Variants in TTC38 observed in about 807,000 individuals in gnomAD.
TTC38 encodes tetratricopeptide repeat domain 38, also known as tetratricopeptide repeat protein 38.
TTC38 carries 64 observed loss-of-function variants against 64.2 expected under a neutral mutation model. The ratio of observed to expected loss-of-function variants is 1.00; its 90% CI spans 0.81 to 1.23. The LOEUF is 1.23. Among genes scored for constraint, TTC38 ranks in the 50% most tolerant of loss-of-function variants. The pLI is 0.00. For missense variants in TTC38, 573 were observed against 615.5 expected, an observed-to-expected ratio of 0.93 and a Z score of 0.73; for synonymous variants, 254 against 249.3, an observed-to-expected ratio of 1.02 and a Z score of -0.18.
chr22:46,271,251 T>C lies in TTC38; in HGVS notation c.112-1084T>C, dbSNP rs1045414424. Among the ~76,000 whole-genome samples the C allele has an allele frequency of 6.6e-6, 1 of 152,150 alleles. No homozygotes were observed. The highest frequency in any genetic ancestry group is 1.5e-5 in the Non-Finnish European group (1 of 68,022). On this transcript the variant is annotated intron_variant, in intron 2 of 13. Transcript: ENST00000381031. This position sits in a 1 kb window ranked among gnomAD's most constrained non-coding sequence, Gnocchi z 5.5. ...TCTTTCTTTTCTTTTTTCTTTTTTT[T>C]CTTTTTTGAGACAGAGTCTCACTCT...
rs1022189673 is a variant in TTC38 at position 46,276,798 on chromosome 22, A to C, written c.539+1377A>C. On this transcript the variant is annotated intron_variant, in intron 5 of 13. Coordinates refer to ENST00000381031, the MANE Select transcript of TTC38 (RefSeq NM_017931.4). The surrounding 1 kb of genome is among the most constrained non-coding windows in gnomAD (Gnocchi z 4.7). ...AATATATATTAAAATATATATTAAA[A>C]ATTATATATTAAAATATATATATTA... is the stretch of plus-strand genomic sequence containing the variant. 1.5e-5 allele frequency among the ~76,000 whole-genome samples: 2 copies of C among 136,486 alleles called. No homozygotes were observed. Among genetic ancestry groups the C allele is most frequent in the African/African-American group, 6.1e-5 (2 of 32,530 alleles). The allele number at this position is 136,486 out of a possible 152,430, so 89.5% of individuals were successfully genotyped here.
chr22:46,274,137 T>C lies in TTC38; in HGVS notation c.365+68T>C, dbSNP rs1601868339. The C allele has an allele frequency of 7.6e-7, 1 of 1,315,732 alleles. No individual in the cohort carries two copies. Among genetic ancestry groups the C allele is most frequent in the Non-Finnish European group, 1.1e-6 (1 of 938,292 alleles). The allele number at this position is 1,315,732 out of a possible 1,614,324, so 81.5% of individuals were successfully genotyped here. A position where few individuals can be genotyped will look rare whatever the true frequency, so the allele number is the denominator to read the frequency against. On this transcript the variant is annotated intron_variant, in intron 4 of 13. Coordinates refer to ENST00000381031, the MANE Select transcript of TTC38 (RefSeq NM_017931.4). The surrounding 1 kb of genome is among the most constrained non-coding windows in gnomAD (Gnocchi z 4.8). ...AGCTGGGGGAGTGGCAGGGTATCCC[T>C]TTCCTGATGCCCTTGGGACGGGGGC...
chr22:46,281,513 T>G lies in TTC38; in HGVS notation c.616-86T>G. ...CCACCCCGTTCAGCCCAGGCCCCTCTTGCCCCTTAGAGACCTGCCGTCGCC... is the reference window on the plus strand; with the variant it reads ...CCACCCCGTTCAGCCCAGGCCCCTCGTGCCCCTTAGAGACCTGCCGTCGCC... On this transcript the variant is annotated intron_variant, in intron 6 of 13. Coordinates refer to ENST00000381031, the MANE Select transcript of TTC38 (RefSeq NM_017931.4). The surrounding 1 kb of genome is among the most constrained non-coding windows in gnomAD (Gnocchi z 5.2). 1.6e-6 allele frequency: 2 copies of G among 1,237,698 alleles called. No homozygotes were observed. Among genetic ancestry groups the G allele is most frequent in the East Asian group, 3.0e-5 (1 of 32,948 alleles). 76.7% of individuals were successfully genotyped at this position (1,237,698 alleles called of 1,614,324 possible).
chr22:46,268,708 G>C (rs931138528), intron 2 of TTC38, 117 bp downstream of exon 2: 1 of 1,031,302 alleles, frequency 9.7e-7, no homozygotes, highest in Non-Finnish European at 1.4e-6. Context: ...TTTTTGAGGC[G>C]GAGTCTCGCT....
intron 6 of TTC38, among the ~76,000 whole-genome samples, chr22:46,279,541 C>T (rs939972113): frequency 2.6e-5 from 4 of 152,264 alleles, no homozygotes; most frequent in Non-Finnish European, 5.9e-5. Context: ...CTGCCTGCTC[C>T]AGGCCCTGCC....
rs1165080413 is a variant in TTC38, at chr22:46,292,968, G to C, written c.*84G>C. 2.9e-6 allele frequency: 3 copies of C among 1,044,860 alleles called. No individual in the cohort carries two copies. The highest frequency in any genetic ancestry group is 4.4e-6 in the Non-Finnish European group (3 of 676,192). The allele number at this position is 1,044,860 out of a possible 1,614,324, so 64.7% of individuals were successfully genotyped here. ...AGCTGCTCCACCGGGTTAGGGTCAG[G>C]AGACGGCCAGAGCCTGTTTGTTAGG... is the stretch of plus-strand genomic sequence containing the variant. On this transcript the variant is annotated 3_prime_UTR_variant, in exon 14 of 14. Coordinates refer to ENST00000381031, the MANE Select transcript of TTC38 (RefSeq NM_017931.4). The surrounding 1 kb of genome is among the most constrained non-coding windows in gnomAD (Gnocchi z 6.5).
At chr22:46,285,306 T>C in intron 9 of TTC38, 27 bp downstream of exon 9, 3 of 1,613,336 alleles carry the variant, frequency 1.9e-6, no homozygotes, top group Non-Finnish European at 2.5e-6. Context: ...CCGTGTTTGG[T>C]TTGTTGCAGC....
In TTC38 at chr22:46,290,531, GGC is replaced by G. The variant is rs1443448573; in HGVS notation, c.1316+633_1316+634del. On this transcript the variant is annotated intron_variant, in intron 13 of 13. Transcript: ENST00000381031. Reference sequence around the variant, plus strand: ...CATGGCTGGAGGGTGAGTGTGTTAGGGCAGCGTGGCTGGAGGGTGTTAGGAGG... The same window carrying G: ...CATGGCTGGAGGGTGAGTGTGTTAGGAGCGTGGCTGGAGGGTGTTAGGAGG... 1.3e-3 allele frequency among the ~76,000 whole-genome samples: 196 copies of G among 148,096 alleles called. 11 individuals are homozygous for G. Among genetic ancestry groups the G allele is most frequent in the African/African-American group, 4.9e-3 (188 of 38,126 alleles).
At chr22:46,280,808 C>T (rs969986109) in intron 6 of TTC38, among the ~76,000 whole-genome samples, 4 of 152,150 alleles carry the variant, frequency 2.6e-5, no homozygotes, top group Admixed American at 6.5e-5. Context: ...GTGGGGCTGG[C>T]GGGAACTCAT....
chr22:46,274,441 A>AC lies in TTC38; in HGVS notation c.365+375dup, dbSNP rs146562700. Among the ~76,000 whole-genome samples the AC allele has an allele frequency of 5.0e-3, 757 of 152,222 alleles. 6 individuals carry two copies. Among genetic ancestry groups the AC allele is most frequent in the African/African-American group, 0.017 (716 of 41,532 alleles). The stretch of plus-strand genomic sequence containing the variant: ...AAATAAACAATCAAATCAAATCTTC[A>AC]CCCATAAGTTCCTTGCTCTTGCACT... On this transcript the variant is annotated intron_variant, in intron 4 of 13. Coordinates refer to ENST00000381031, the MANE Select transcript of TTC38 (RefSeq NM_017931.4). This position sits in a 1 kb window ranked among gnomAD's most constrained non-coding sequence, Gnocchi z 4.8.
At chr22:46,284,078 T>C in intron 8 of TTC38, 46 bp downstream of exon 8, 1 of 1,505,644 alleles carries the variant, frequency 6.6e-7, no homozygotes, top group African/African-American at 1.4e-5. Context: ...TAAAGATGTC[T>C]AGAGGGAGAA....
Position 46,275,381 on chromosome 22 carries a change from C to G in TTC38, c.499C>G (p.Arg167Gly). The change falls in exon 5 of 14, where the codon CGA becomes GGA. Residue 167 changes from arginine to glycine, a missense_variant. Coordinates refer to ENST00000381031, the MANE Select transcript of TTC38 (RefSeq NM_017931.4). This position sits in a 1 kb window ranked among gnomAD's most constrained non-coding sequence, Gnocchi z 4.5. ...GGAACAGATGAGAGATTCTGTTGCT[C>G]GAATTTACCCCTTCTGGACACCTGA... Reference protein sequence around the residue: ...YQEQMRDSVARIYPFWTPDIP... With the variant: ...YQEQMRDSVAGIYPFWTPDIP... 2 of 1,614,074 alleles carry G rather than the reference C, an allele frequency of 1.2e-6. No homozygotes were observed. Among genetic ancestry groups the G allele is most frequent in the Non-Finnish European group, 1.7e-6 (2 of 1,180,008 alleles).
In TTC38 at chr22:46,273,408, C is replaced by T. The variant is rs1248467370; in HGVS notation, c.194-490C>T. 6.6e-6 allele frequency among the ~76,000 whole-genome samples: 1 copy of T among 152,228 alleles called. No homozygotes were observed. The highest frequency in any genetic ancestry group is 1.5e-5 in the Non-Finnish European group (1 of 68,022). Reference sequence around the variant, plus strand: ...TGGGGCCTGGGGGCCTGCACTCCTGCCAGCAAGGCTGCTGCGAGGGCCACA... The same window carrying T: ...TGGGGCCTGGGGGCCTGCACTCCTGTCAGCAAGGCTGCTGCGAGGGCCACA... On this transcript the variant is annotated intron_variant, in intron 3 of 13. Coordinates refer to ENST00000381031, the MANE Select transcript of TTC38 (RefSeq NM_017931.4). This position sits in a 1 kb window ranked among gnomAD's most constrained non-coding sequence, Gnocchi z 5.1.
At chr22:46,269,854 G>A (rs112491236) in intron 2 of TTC38, among the ~76,000 whole-genome samples, 33 of 152,322 alleles carry the variant, frequency 2.2e-4, no homozygotes, top group African/African-American at 7.0e-4. Flanking sequence ...GTGCAATGGC[G>A]CAGTCTTGAC....
Position 46,281,544 on chromosome 22 carries a change from C to A in TTC38, c.616-55C>A. On this transcript the variant is annotated intron_variant, in intron 6 of 13. Coordinates refer to ENST00000381031, the MANE Select transcript of TTC38 (RefSeq NM_017931.4). This position sits in a 1 kb window ranked among gnomAD's most constrained non-coding sequence, Gnocchi z 5.2. ...CTTAGAGACCTGCCGTCGCCTGCCC[C>A]GGCAGCCTGACTGATCTGCTTTATC... 1.9e-6 allele frequency: 3 copies of A among 1,603,014 alleles called. No homozygotes were observed. In the East Asian group the frequency reaches 6.7e-5, roughly 36 times the overall value.
chr22:46,288,988 G>A (rs971758035), intron 11 of TTC38, among the ~76,000 whole-genome samples: 1 of 152,246 alleles, frequency 6.6e-6, no homozygotes, highest in African/African-American at 2.4e-5. Flanking sequence ...ATCTAAATCA[G>A]GGCGATGCCT....
At position 46,292,922 on chromosome 22, in the gene TTC38, G is replaced by A. The variant is rs777121703; in HGVS notation, c.*38G>A. On this transcript the variant is annotated 3_prime_UTR_variant, in exon 14 of 14. Transcript: ENST00000381031. The surrounding 1 kb of genome is among the most constrained non-coding windows in gnomAD (Gnocchi z 6.5). ...GCCTCCACCCTGCAGAACCTCAGTG[G>A]TGGCGTCACTGCGTCCAGTCAGCTG... The A allele has an allele frequency of 3.9e-6, 6 of 1,525,222 alleles. No homozygotes were observed. In the African/African-American group the frequency reaches 6.8e-5, roughly 17 times the overall value. The allele number at this position is 1,525,222 out of a possible 1,614,324, so 94.5% of individuals were successfully genotyped here. A position where few individuals can be genotyped will look rare whatever the true frequency, so the allele number is the denominator to read the frequency against.
At chr22:46,285,323 C>T in intron 9 of TTC38, 44 bp downstream of exon 9, 2 of 1,599,750 alleles carry the variant, frequency 1.3e-6, no homozygotes, top group Non-Finnish European at 8.6e-7. Flanking sequence ...CAGCATTTTG[C>T]CTTTGAGTCT....
At chr22:46,284,806 T>A (rs955695611) in intron 8 of TTC38, among the ~76,000 whole-genome samples, 3 of 138,116 alleles carry the variant, frequency 2.2e-5, no homozygotes, top group Admixed American at 1.6e-4. Flanking sequence ...GACGCGGAGG[T>A]TACAGTGAGC....
Sources: gnomAD v4.1 joint callset for allele counts (sites outside exome capture counted in the v4.1 genomes callset) on GRCh38, gnomAD v4.1.1 for gene constraint, Gnocchi (gnomAD v3.1) non-coding constraint, MANE v1.5 for transcripts, NCBI Gene and HGNC (gene_info 2026-07-23, HGNC 2026-07-21) for gene names.